Variants in ZNF106 observed in about 807,000 individuals in gnomAD.
ZNF106 encodes SH3-domain binding protein 3.
Under a neutral mutation model 195.1 loss-of-function variants are expected in ZNF106, and 67 were observed. The observed-to-expected ratio is 0.34, with a 90% CI of 0.28 to 0.42. ZNF106 has a LOEUF of 0.42. Among genes scored for constraint, ZNF106 ranks in the 10% least tolerant of loss-of-function variants. ZNF106 has a pLI of 1.00. For synonymous variants in ZNF106, 784 were observed against 818.6 expected (o/e 0.96, Z 0.72); for missense variants, 2,118 against 2,304.5 (o/e 0.92, Z 1.66).
intron 19 of ZNF106, 21 bp downstream of exon 19, chr15:42,421,896 T>C: frequency 1.3e-6 from 2 of 1,519,320 alleles, no homozygotes; most frequent in Non-Finnish European, 1.8e-6. Context: ...GCAAATATCT[T>C]ACATGACAAA....
intron 8 of ZNF106, 59 bp from the exon 9 acceptor site, chr15:42,444,321 C>T: frequency 7.3e-7 from 1 of 1,372,890 alleles, no homozygotes; most frequent in Non-Finnish European, 1.0e-6. Context: ...TCCTCTAGGT[C>T]TCCCCATTTT....
At chr15:42,484,744 A>AACAC (rs1449747832) in intron 1 of ZNF106, among the ~76,000 whole-genome samples, 1 of 151,480 alleles carries the variant, frequency 6.6e-6, no homozygotes, top group African/African-American at 2.4e-5. Flanking sequence ...TCTCAAAACA[A>AACAC]ACACAAACAG....
At position 42,422,542 on chromosome 15, in the gene ZNF106, T is replaced by C. The variant is rs1447522308; in HGVS notation, c.5332A>G (p.Thr1778Ala). The part of the protein sequence containing the change: ...VVNILGKVMV[T>A]ACLDKFVRVY... Reference sequence around the variant, plus strand: ...CGAACAAATTTATCCAGGCAAGCAGTCACCATCACTTTTCCTAGGATATTC... The same window carrying C: ...CGAACAAATTTATCCAGGCAAGCAGCCACCATCACTTTTCCTAGGATATTC... The change falls in exon 18 of 22, where the codon ACT becomes GCT. Residue 1778 changes from threonine (T) to alanine (A), a missense_variant. Physicochemically the swap from Thr to Ala is moderately conservative, Grantham distance 58. Coordinates refer to ENST00000564754, the MANE Select transcript of ZNF106 (RefSeq NM_001366845.3). 1 of 1,613,576 alleles carries C rather than the reference T, an allele frequency of 6.2e-7. No homozygotes were observed. The highest frequency in any genetic ancestry group is 1.1e-5 in the South Asian group (1 of 91,000).
intron 1 of ZNF106, among the ~76,000 whole-genome samples, chr15:42,487,930 T>C (rs1481475362): frequency 1.3e-5 from 2 of 152,136 alleles, no homozygotes; most frequent in Admixed American, 6.6e-5. Flanking sequence ...TCCCCCTCAA[T>C]ACCAAAATCT....
chr15:42,481,574 G>A (rs1265676729), intron 1 of ZNF106, among the ~76,000 whole-genome samples: 4 of 151,842 alleles, frequency 2.6e-5, no homozygotes, highest in African/African-American at 7.3e-5. Context: ...TGGCCAGGCT[G>A]GTCTCAAACT....
At position 42,430,531 on chromosome 15, in the gene ZNF106, C is replaced by A. The variant is rs560984785; in HGVS notation, c.4882-2397G>T. On this transcript the variant is annotated intron_variant, in intron 14 of 21. Transcript: ENST00000564754. ...AGTAGCTGGAACTACAGGCGTGGGC[C>A]ATCGCGCATGCCTAGTTAATTTTTA... Among the ~76,000 whole-genome samples the A allele has an allele frequency of 3.7e-4, 57 of 152,102 alleles. 1 individual carries two copies. The highest frequency in any genetic ancestry group is 1.4e-3 in the African/African-American group (56 of 41,374).
At chr15:42,490,010 G>A (rs1197656827) in intron 1 of ZNF106, among the ~76,000 whole-genome samples, 2 of 152,062 alleles carry the variant, frequency 1.3e-5, no homozygotes, top group Non-Finnish European at 1.5e-5. Context: ...CTGCACTCCA[G>A]CCTGGGCGAA....
chr15:42,428,837 C>T (rs1409221698), intron 14 of ZNF106, among the ~76,000 whole-genome samples: 1 of 151,860 alleles, frequency 6.6e-6, no homozygotes, highest in African/African-American at 2.4e-5. Context: ...GATCTCGGCT[C>T]ACTGCAAGCT....
chr15:42,458,488 T>C (rs1249833553), intron 3 of ZNF106, among the ~76,000 whole-genome samples: 2 of 150,836 alleles, frequency 1.3e-5, no homozygotes, highest in Non-Finnish European at 2.9e-5. Flanking sequence ...GGCGGGCAGA[T>C]CATGAGGTCA....
In ZNF106 at chr15:42,480,014, C is replaced by A. The variant is rs557917351; in HGVS notation, c.-32-7693G>T. ...CATGGGCACATGCCACCACGCTGGG[C>A]TAATGGTCTTATTTTGAACAGATTG... On this transcript the variant is annotated intron_variant, in intron 1 of 21. Coordinates refer to ENST00000564754, the MANE Select transcript of ZNF106 (RefSeq NM_001366845.3). Among the ~76,000 whole-genome samples, 47 of 152,206 alleles carry A rather than the reference C, an allele frequency of 3.1e-4. 1 individual carries two copies. The South Asian group carries it at 9.7e-3, about 32-fold the overall frequency.
Position 42,448,270 on chromosome 15 carries a change from G to A in ZNF106, c.2937C>T (p.Asn979=), listed in dbSNP as rs745644336. The stretch of plus-strand genomic sequence containing the variant: ...ACGGTGGTATAGACCTCTCCTGGCT[G>A]TTCAAGTCTTTTGCCAAATGCATCA... The part of the protein sequence containing the change: ...IPLMHLAKDL[N]SQERSIPPSE... The change falls in exon 6 of 22, where the codon AAC becomes AAT. Residue 979 remains asparagine (N), a synonymous_variant. Coordinates refer to ENST00000564754, the MANE Select transcript of ZNF106 (RefSeq NM_001366845.3). 1.2e-6 allele frequency: 2 copies of A among 1,614,174 alleles called. No homozygotes were observed. Among genetic ancestry groups the A allele is most frequent in the African/African-American group, 1.3e-5 (1 of 75,026 alleles).
In ZNF106 at chr15:42,451,056, T is replaced by C. The variant is rs762627046; in HGVS notation, c.1216A>G (p.Ser406Gly). ...EMIEKPLFDF[S>G]LITTGIQEPQ... ...TCCTGTATTCCTGTAGTTATCAAGC[T>C]AAAATCAAAGAGAGGTTTCTCTATC... The change falls in exon 5 of 22, where the codon AGC (serine) becomes GGC (glycine). Residue 406 changes from serine to glycine, a missense_variant. Transcript: ENST00000564754. 6 of 1,614,094 alleles carry C rather than the reference T, an allele frequency of 3.7e-6. No homozygotes were observed. Among genetic ancestry groups the C allele is most frequent in the Non-Finnish European group, 5.1e-6 (6 of 1,180,050 alleles).
At chr15:42,421,766 C>G in intron 19 of ZNF106, 151 bp downstream of exon 19, 2 of 518,052 alleles carry the variant, frequency 3.9e-6, no homozygotes, top group Non-Finnish European at 6.6e-6. Context: ...ATATTCAACA[C>G]TGTCCCCTGG....
chr15:42,417,955 G>A lies in ZNF106; in HGVS notation c.5518-4C>T. 1.2e-6 allele frequency: 2 copies of A among 1,611,036 alleles called. No homozygotes were observed. The highest frequency in any genetic ancestry group is 1.7e-6 in the Non-Finnish European group (2 of 1,178,744). On this transcript the variant is annotated splice_polypyrimidine_tract_variant and splice_region_variant and intron_variant, in intron 20 of 21. Coordinates refer to ENST00000564754, the MANE Select transcript of ZNF106 (RefSeq NM_001366845.3). ...ATATCAGAGAGCAACCATGCCACTG[G>A]AGAGAAAGAAAATGAGGAGACTCGG...
chr15:42,441,001 ATATATATATAT>A lies in ZNF106; in HGVS notation c.3763+1061_3763+1071del, dbSNP rs2055505127. 2.4e-3 allele frequency among the ~76,000 whole-genome samples: 39 copies of A among 16,348 alleles called. 1 individual carries two copies. Among genetic ancestry groups the A allele is most frequent in the Non-Finnish European group, 4.1e-3 (28 of 6,826 alleles). 10.7% of individuals were successfully genotyped at this position (16,348 alleles called of 152,430 possible). On this transcript the variant is annotated intron_variant, in intron 10 of 21. Coordinates refer to ENST00000564754, the MANE Select transcript of ZNF106 (RefSeq NM_001366845.3). ...CTCTGTCTAAAAAAAAAAAAAAAATATATATATATATATATATATATATATATATATATATA... is the reference window on the plus strand; with the variant it reads ...CTCTGTCTAAAAAAAAAAAAAAAATAATATATATATATATATATATATATA...
chr15:42,449,819 A>T lies in ZNF106; in HGVS notation c.2453T>A (p.Ile818Asn). Residue 818 changes from isoleucine (I) to asparagine (N), a missense_variant, in exon 5 of 22, where the codon ATT becomes AAT. Coordinates refer to ENST00000564754, the MANE Select transcript of ZNF106 (RefSeq NM_001366845.3). The stretch of plus-strand genomic sequence containing the variant: ...TTGCTTTTTCTTGGTTACTTGCTGA[A>T]TGACCTGTTCCCAGTTGACATTTCT... ...SRRNVNWEQV[I>N]QQVTKKKQEL... is the part of the protein sequence containing the mutation. The T allele has an allele frequency of 5.6e-6, 9 of 1,614,196 alleles. No homozygotes were observed. Among genetic ancestry groups the T allele is most frequent in the Non-Finnish European group, 7.6e-6 (9 of 1,180,018 alleles).
chr15:42,485,323 T>A (rs2056988898), intron 1 of ZNF106, among the ~76,000 whole-genome samples: 2 of 152,156 alleles, frequency 1.3e-5, no homozygotes, highest in African/African-American at 4.8e-5. Flanking sequence ...ATACATATGT[T>A]AATTAGTTTC....
intron 2 of ZNF106, among the ~76,000 whole-genome samples, chr15:42,470,650 G>A (rs2056645866): frequency 6.6e-6 from 1 of 152,136 alleles, no homozygotes; most frequent in Admixed American, 6.6e-5. Context: ...AACCAGAGTA[G>A]CAGAGCCAGA....
chr15:42,452,529 A>T (rs1284190466), intron 4 of ZNF106, among the ~76,000 whole-genome samples: 1 of 151,934 alleles, frequency 6.6e-6, no homozygotes, highest in Admixed American at 6.6e-5. Flanking sequence ...TCAAAAAAAC[A>T]AACAAAAATT....
Sources: gnomAD v4.1 joint callset for allele counts (sites outside exome capture counted in the v4.1 genomes callset) on GRCh38, gnomAD v4.1.1 for gene constraint, MANE v1.5 for transcripts, NCBI Gene and HGNC (gene_info 2026-07-23, HGNC 2026-07-21) for gene names.